The following ARHGAP40 variants were observed in gnomAD, a reference collection of about 807,000 sequenced individuals.
The protein encoded by ARHGAP40 is rho GTPase-activating protein 40.
In ARHGAP40, 43 loss-of-function variants were observed where a neutral mutation model predicts 73.5. That is an observed-to-expected ratio of 0.58 (90% CI 0.46 to 0.75). The LOEUF (loss-of-function observed/expected upper bound fraction) is 0.75, where lower values mean the gene tolerates loss of function less well. Ranked by LOEUF, ARHGAP40 falls within the 30% of genes least tolerant of loss-of-function variation. ARHGAP40 has a pLI of 0.00. For missense variants in ARHGAP40, 734 were observed against 861.8 expected, an observed-to-expected ratio of 0.85 and a Z score of 1.86; for synonymous variants, 300 against 352.8, an observed-to-expected ratio of 0.85 and a Z score of 1.68.
At chr20:38,606,662 C>A (rs926638) in intron 1 of ARHGAP40, among the ~76,000 whole-genome samples, 22,216 of 152,092 alleles carry the variant, frequency 0.15, 1,935 homozygotes, top group African/African-American at 0.24. Context: ...AGTGCACCAG[C>A]CAGATTTCCT....
chr20:38,648,554 C>G, intron 13 of ARHGAP40, 89 bp from the exon 14 acceptor site: 3 of 1,122,460 alleles, frequency 2.7e-6, no homozygotes, highest in Non-Finnish European at 3.6e-6. Context: ...CTGCCCTTTC[C>G]AGGGCTGGGG....
At chr20:38,615,478 G>A (rs1487279702) in intron 1 of ARHGAP40, 1 of 682,336 alleles carries the variant, frequency 1.5e-6, no homozygotes, top group Non-Finnish European at 2.7e-6. Flanking sequence ...CACGTCCATG[G>A]CGGCGCGAGT....
At chr20:38,616,153 C>T (rs1273273123) in intron 1 of ARHGAP40, among the ~76,000 whole-genome samples, 3 of 152,200 alleles carry the variant, frequency 2.0e-5, no homozygotes, top group Non-Finnish European at 2.9e-5. Context: ...ACAGCCACTC[C>T]CTGATGGTGG....
At chr20:38,602,477 G>A (rs964089406) in intron 1 of ARHGAP40, among the ~76,000 whole-genome samples, 2 of 152,150 alleles carry the variant, frequency 1.3e-5, no homozygotes, top group African/African-American at 4.8e-5. Context: ...CAGTGTGGCC[G>A]TGTGGTCACC....
At position 38,632,717 on chromosome 20, in the gene ARHGAP40, T is replaced by C. The variant is rs576352896; in HGVS notation, c.784-1903T>C. On this transcript the variant is annotated intron_variant, in intron 5 of 14. Transcript: ENST00000373345. The stretch of plus-strand genomic sequence containing the variant: ...AGGGCCAGGCATGGTGGCGCACACC[T>C]GTAATGCCAGCACTTTGGAAGGCCA... 7.9e-5 allele frequency among the ~76,000 whole-genome samples: 12 copies of C among 152,258 alleles called. No homozygotes were observed. The South Asian group carries it at 2.1e-3, about 26-fold the overall frequency.
intron 1 of ARHGAP40, among the ~76,000 whole-genome samples, chr20:38,612,697 A>G (rs1217745971): frequency 6.6e-6 from 1 of 152,074 alleles, no homozygotes; most frequent in African/African-American, 2.4e-5. Flanking sequence ...AAGAAAAGAG[A>G]TAAGAAAAGA....
At chr20:38,605,452 G>A (rs774467436) in intron 1 of ARHGAP40, among the ~76,000 whole-genome samples, 12 of 152,164 alleles carry the variant, frequency 7.9e-5, no homozygotes, top group Non-Finnish European at 1.6e-4. Context: ...ATGTGAGGGG[G>A]ACACCGAATT....
chr20:38,635,762 A>G (rs2088971111), intron 6 of ARHGAP40, among the ~76,000 whole-genome samples: 1 of 152,120 alleles, frequency 6.6e-6, no homozygotes, highest in Non-Finnish European at 1.5e-5. Flanking sequence ...CATTATATAT[A>G]ATAGAATTAT....
In ARHGAP40 at chr20:38,643,917, G is replaced by A. The variant is rs1472098222; in HGVS notation, c.1569+7G>A. The stretch of plus-strand genomic sequence containing the variant: ...CCAGGATCTGCTGTGGACGGTGAGT[G>A]CTGCTGGGCGCTGGGTATCCCTCTG... On this transcript the variant is annotated splice_region_variant and intron_variant, in intron 11 of 14. Coordinates refer to ENST00000373345, the Ensembl canonical transcript of ARHGAP40. 1 of 1,288,190 alleles carries A rather than the reference G, an allele frequency of 7.8e-7. No homozygotes were observed. The highest frequency in any genetic ancestry group is 1.5e-5 in the African/African-American group (1 of 65,652). The allele number at this position is 1,288,190 out of a possible 1,614,324, so 79.8% of individuals were successfully genotyped here. A position where few individuals can be genotyped will look rare whatever the true frequency, so the allele number is the denominator to read the frequency against.
At chr20:38,643,728 G>A (rs534179875) in exon 11 of ARHGAP40, 4 of 1,305,872 alleles carry the variant, frequency 3.1e-6, no homozygotes, top group Middle Eastern at 2.1e-4. Context: ...CCTCAGGAAG[G>A]TGGTGGCCCG....
chr20:38,639,432 C>A (rs2089000146), intron 9 of ARHGAP40, 46 bp downstream of exon 9: 4 of 1,283,464 alleles, frequency 3.1e-6, no homozygotes, highest in Non-Finnish European at 4.1e-6. Context: ...GGAGAGTTGG[C>A]TCACTGGCCT....
intron 1 of ARHGAP40, among the ~76,000 whole-genome samples, chr20:38,617,454 A>G (rs1299703996): frequency 4.6e-5 from 7 of 152,088 alleles, no homozygotes; most frequent in African/African-American, 1.7e-4. Flanking sequence ...CTGTCTTCCC[A>G]TTTTATGGAC....
exon 5 of ARHGAP40, chr20:38,629,517 G>C (rs1459220241): frequency 7.7e-7 from 1 of 1,305,394 alleles, no homozygotes; most frequent in South Asian, 1.2e-5. Context: ...GAGCCTGGGG[G>C]GCTGCAGGAG....
chr20:38,611,433 T>TA (rs1210850362), intron 1 of ARHGAP40, among the ~76,000 whole-genome samples: 1 of 151,044 alleles, frequency 6.6e-6, no homozygotes, highest in East Asian at 1.9e-4. Context: ...TTTTTTTTTT[T>TA]TAGAAACAGG....
chr20:38,619,439 G>A (rs2145599583), intron 1 of ARHGAP40, among the ~76,000 whole-genome samples: 1 of 151,900 alleles, frequency 6.6e-6, no homozygotes, highest in Middle Eastern at 3.4e-3. Context: ...TTGTATGAAA[G>A]GTAACATTCA....
chr20:38,641,978 A>G (rs922377079), intron 10 of ARHGAP40, among the ~76,000 whole-genome samples, 170 bp downstream of exon 10: 3 of 152,186 alleles, frequency 2.0e-5, no homozygotes, highest in Non-Finnish European at 4.4e-5. Context: ...AAGAAAGTAG[A>G]TGAGTCCTGA....
Position 38,627,281 on chromosome 20 carries a change from G to A in ARHGAP40, c.558+66G>A, listed in dbSNP as rs1223240784. On this transcript the variant is annotated intron_variant, in intron 3 of 14. Transcript: ENST00000373345. ...GATCTCTGTGCTGCCGCCACAGCCT[G>A]AGAGATGCAGTGATCCTGCTGAAGG... 2.1e-5 allele frequency: 27 copies of A among 1,261,130 alleles called. No individual in the cohort carries two copies. In the Admixed American group the frequency reaches 2.3e-4, roughly 11 times the overall value. The allele number at this position is 1,261,130 out of a possible 1,614,324, so 78.1% of individuals were successfully genotyped here.
chr20:38,642,460 T>C (rs1384700298), intron 10 of ARHGAP40, among the ~76,000 whole-genome samples: 2 of 152,180 alleles, frequency 1.3e-5, no homozygotes, highest in Non-Finnish European at 2.9e-5. Flanking sequence ...AGGATGATAA[T>C]AGCATTAATA....
intron 8 of ARHGAP40, 59 bp from the exon 9 acceptor site, chr20:38,639,168 A>G: frequency 7.7e-7 from 1 of 1,290,624 alleles, no homozygotes; most frequent in Non-Finnish European, 1.0e-6. Flanking sequence ...GAGAAGTGGT[A>G]GAGCGACTTC....
Sources: allele counts gnomAD v4.1 joint callset (sites outside exome capture counted in the v4.1 genomes callset), GRCh38; gene constraint gnomAD v4.1.1; transcripts MANE v1.5; gene names NCBI Gene and HGNC (gene_info 2026-07-23, HGNC 2026-07-21).